CNTNAP2: variants seen among roughly 807,000 people sequenced by gnomAD.
CNTNAP2 encodes the protein contactin associated protein 2.
CNTNAP2 carries 98 observed loss-of-function variants against 155.2 expected under a neutral mutation model. That is an observed-to-expected ratio of 0.63 (90% CI 0.54 to 0.75). The LOEUF is 0.75. CNTNAP2 is among the 30% of genes least tolerant of loss of function. CNTNAP2 has a pLI of 0.00. For synonymous variants in CNTNAP2, 651 were observed against 631.2 expected (o/e 1.03, Z -0.47); for missense variants, 1,727 against 1,688.1 (o/e 1.02, Z -0.40).
intron 17 of CNTNAP2, among the ~76,000 whole-genome samples, chr7:148,167,008 C>T (rs1258652451): frequency 2.0e-5 from 3 of 152,262 alleles, no homozygotes; most frequent in African/African-American, 7.2e-5. Context: ...AGCTCACTGT[C>T]CCATTTAAAT....
At chr7:147,063,965 C>T (rs1160380820) in intron 4 of CNTNAP2, among the ~76,000 whole-genome samples, 9 of 152,074 alleles carry the variant, frequency 5.9e-5, no homozygotes, top group Non-Finnish European at 1.3e-4. Flanking sequence ...ATTACAGCAG[C>T]TTTCGAGAAA....
chr7:146,533,707 C>A (rs1797804431), intron 1 of CNTNAP2, among the ~76,000 whole-genome samples: 1 of 152,036 alleles, frequency 6.6e-6, no homozygotes, highest in South Asian at 2.1e-4. Flanking sequence ...TGTGTCATTT[C>A]CCTGTCCCTG....
chr7:146,670,790 C>A (rs182360373), intron 1 of CNTNAP2, among the ~76,000 whole-genome samples: 12 of 152,252 alleles, frequency 7.9e-5, no homozygotes, highest in African/African-American at 2.9e-4. Flanking sequence ...GAGGACCATT[C>A]TCACTATAGT....
intron 13 of CNTNAP2, among the ~76,000 whole-genome samples, chr7:147,650,831 AT>A (rs139979656): frequency 0.031 from 4,647 of 151,982 alleles, 240 homozygotes; most frequent in African/African-American, 0.11. Context: ...ATAGAGTGAA[AT>A]TTTTTTTATG....
At chr7:148,001,070 G>A (rs542299401) in intron 15 of CNTNAP2, among the ~76,000 whole-genome samples, 54 of 152,270 alleles carry the variant, frequency 3.5e-4, no homozygotes, top group African/African-American at 1.2e-3. Flanking sequence ...TAGGACCCAC[G>A]CTAATTTAGT....
chr7:148,247,618 TCTC>T (rs1796289020), intron 20 of CNTNAP2, among the ~76,000 whole-genome samples: 1 of 146,550 alleles, frequency 6.8e-6, no homozygotes, highest in South Asian at 2.1e-4. Flanking sequence ...TCTCTCTCTC[TCTC>T]TCTCTATTTA....
intron 3 of CNTNAP2, among the ~76,000 whole-genome samples, chr7:146,906,756 C>A (rs1796137944): frequency 1.3e-5 from 2 of 152,124 alleles, no homozygotes; most frequent in Admixed American, 1.3e-4. Context: ...TCTCCTCCTC[C>A]AAAGGAACGC....
At chr7:146,516,599 C>G (rs897871433) in intron 1 of CNTNAP2, among the ~76,000 whole-genome samples, 13 of 151,866 alleles carry the variant, frequency 8.6e-5, no homozygotes, top group African/African-American at 1.2e-4. Flanking sequence ...CCTTATTAGT[C>G]TATGTCTGTA....
intron 18 of CNTNAP2, among the ~76,000 whole-genome samples, chr7:148,204,484 C>T (rs1795415120): frequency 6.6e-6 from 1 of 152,198 alleles, no homozygotes; most frequent in African/African-American, 2.4e-5. Flanking sequence ...ATGTCATCAA[C>T]TTCGACTTTG....
chr7:148,248,203 AT>A (rs35875873), intron 20 of CNTNAP2, among the ~76,000 whole-genome samples: 61,616 of 147,512 alleles, frequency 0.42, 13,232 homozygotes, highest in East Asian at 0.63. Context: ...CTGTTCTATA[AT>A]TTTTTTTTTT....
At chr7:147,398,523 C>A (rs1342214209) in intron 10 of CNTNAP2, among the ~76,000 whole-genome samples, 1 of 147,020 alleles carries the variant, frequency 6.8e-6, no homozygotes. Context: ...ATGAGTAGAA[C>A]TTAGGGAAAC....
chr7:147,797,711 C>T (rs851685), intron 13 of CNTNAP2, among the ~76,000 whole-genome samples: 44,264 of 151,968 alleles, frequency 0.29, 7,324 homozygotes, highest in African/African-American at 0.45. Flanking sequence ...AATGCATATC[C>T]ATTCTGAGAA....
intron 1 of CNTNAP2, among the ~76,000 whole-genome samples, chr7:146,335,432 C>T (rs7788551): frequency 0.23 from 34,533 of 152,104 alleles, 4,582 homozygotes; most frequent in Admixed American, 0.39. Flanking sequence ...AATTCAGGCA[C>T]TTGCAGAGTA....
intron 9 of CNTNAP2, among the ~76,000 whole-genome samples, chr7:147,351,253 C>G (rs923561248): frequency 3.3e-5 from 5 of 151,502 alleles, no homozygotes; most frequent in Admixed American, 6.6e-5. Context: ...TAGTTTTACA[C>G]CTAATAATGT....
intron 21 of CNTNAP2, among the ~76,000 whole-genome samples, chr7:148,284,054 A>G (rs1797037134): frequency 6.6e-6 from 1 of 152,216 alleles, no homozygotes; most frequent in South Asian, 2.1e-4. Context: ...AATTGACTGA[A>G]TTATTTTTAA....
At chr7:147,233,103 T>C (rs1803720747) in intron 8 of CNTNAP2, among the ~76,000 whole-genome samples, 1 of 152,232 alleles carries the variant, frequency 6.6e-6, no homozygotes, top group Non-Finnish European at 1.5e-5. Flanking sequence ...CACTCATAGT[T>C]TCCCTTATTT....
intron 12 of CNTNAP2, among the ~76,000 whole-genome samples, chr7:147,580,761 A>C (rs10229748): frequency 6.6e-6 from 1 of 151,594 alleles, no homozygotes; most frequent in Non-Finnish European, 1.5e-5. Flanking sequence ...GACTACAGGC[A>C]TGTGCCACCG....
intron 9 of CNTNAP2, among the ~76,000 whole-genome samples, chr7:147,341,092 A>G (rs13241008): frequency 0.24 from 33,006 of 138,670 alleles, 3,930 homozygotes; most frequent in Non-Finnish European, 0.29. Flanking sequence ...GTGTGTGTGT[A>G]TATATATACA....
At chr7:146,560,922 G>C (rs1392490710) in intron 1 of CNTNAP2, among the ~76,000 whole-genome samples, 1 of 152,076 alleles carries the variant, frequency 6.6e-6, no homozygotes, top group East Asian at 1.9e-4. Flanking sequence ...TATCAGAACA[G>C]TTCCTGATGA....
Sources: allele counts gnomAD v4.1 joint callset (sites outside exome capture counted in the v4.1 genomes callset), GRCh38; gene constraint gnomAD v4.1.1; transcripts MANE v1.5; gene names NCBI Gene and HGNC (gene_info 2026-07-23, HGNC 2026-07-21).